Variants in TINAG observed in about 807,000 individuals in gnomAD.
TINAG encodes tubulointerstitial nephritis antigen.
In TINAG, 83 loss-of-function variants were observed where a neutral mutation model predicts 72.7. That is an observed-to-expected ratio of 1.14 (90% CI 0.96 to 1.37). The LOEUF is 1.37. Ranked by LOEUF, TINAG falls within the 40% of genes most tolerant of loss-of-function variation. The pLI, the probability that TINAG is intolerant of heterozygous loss-of-function variation, is 0.00. For synonymous variants in TINAG, 234 were observed against 189.9 expected (o/e 1.23, Z -1.91); for missense variants, 685 against 576.6 (o/e 1.19, Z -1.93).
At chr6:54,331,206 C>T (rs765124353) in intron 4 of TINAG, among the ~76,000 whole-genome samples, 8 of 152,248 alleles carry the variant, frequency 5.3e-5, no homozygotes, top group East Asian at 1.9e-4. Flanking sequence ...TGAAAATTCT[C>T]AATAAAATAC....
chr6:54,316,733 T>A lies in TINAG; in HGVS notation c.356-3846T>A, dbSNP rs191065546. Among the ~76,000 whole-genome samples, 15 of 152,294 alleles carry A rather than the reference T, an allele frequency of 9.8e-5. No individual in the cohort carries two copies. The South Asian group carries it at 1.7e-3, about 17-fold the overall frequency. On this transcript the variant is annotated intron_variant, in intron 1 of 10. Transcript: ENST00000259782. ...TATAATACACTGTGATGAACTATTTTAAAATAAATTATAGACAACATATCA... is the reference window on the plus strand; with the variant it reads ...TATAATACACTGTGATGAACTATTTAAAAATAAATTATAGACAACATATCA...
chr6:54,309,687 A>C (rs188972592), intron 1 of TINAG, among the ~76,000 whole-genome samples: 15 of 152,262 alleles, frequency 9.9e-5, no homozygotes, highest in South Asian at 4.1e-4. Flanking sequence ...TCTCCTCAAC[A>C]GAACTTCAGG....
chr6:54,380,930 CAT>C (rs1348031433), intron 10 of TINAG, among the ~76,000 whole-genome samples: 1 of 147,158 alleles, frequency 6.8e-6, no homozygotes, highest in Non-Finnish European at 1.5e-5. Context: ...ATGTTAGTAT[CAT>C]ATATATACAT....
At chr6:54,376,506 G>A (rs1763786555) in intron 9 of TINAG, among the ~76,000 whole-genome samples, 1 of 151,686 alleles carries the variant, frequency 6.6e-6, no homozygotes, top group Non-Finnish European at 1.5e-5. Flanking sequence ...TGGGTGTATG[G>A]GCCTCATTGA....
At chr6:54,320,512 C>G in intron 1 of TINAG, 67 bp from the exon 2 acceptor site, 1 of 1,275,484 alleles carries the variant, frequency 7.8e-7, no homozygotes, top group Middle Eastern at 2.0e-4. Flanking sequence ...TTTTTGATTA[C>G]ATTTTATGTT....
intron 10 of TINAG, among the ~76,000 whole-genome samples, chr6:54,385,119 A>G (rs1426161683): frequency 6.6e-6 from 1 of 152,142 alleles, no homozygotes; most frequent in Non-Finnish European, 1.5e-5. Flanking sequence ...AATAAGCTGA[A>G]AAATTTAAAC....
At chr6:54,388,004 C>G (rs1211592195) in intron 10 of TINAG, among the ~76,000 whole-genome samples, 1 of 152,062 alleles carries the variant, frequency 6.6e-6, no homozygotes. Flanking sequence ...TGCACATTTG[C>G]TTATACAATC....
At position 54,380,667 on chromosome 6, in the gene TINAG, C is replaced by T. The variant is rs527874308; in HGVS notation, c.1296+96C>T. On this transcript the variant is annotated intron_variant, in intron 10 of 10. Transcript: ENST00000259782. ...CTGCTTTGTATTATTTAGTCACATC[C>T]TCAGCTGTGTAATATTGTTGATAAC... 1.8e-4 allele frequency: 174 copies of T among 944,272 alleles called. No individual in the cohort carries two copies. The East Asian group carries it at 4.6e-3, about 25-fold the overall frequency. 58.5% of individuals were successfully genotyped at this position (944,272 alleles called of 1,614,324 possible). A position where few individuals can be genotyped will look rare whatever the true frequency, so the allele number is the denominator to read the frequency against.
intron 1 of TINAG, among the ~76,000 whole-genome samples, chr6:54,319,110 C>T (rs1784434918): frequency 6.6e-6 from 1 of 151,940 alleles, no homozygotes; most frequent in African/African-American, 2.4e-5. Context: ...ATGTCTGTTC[C>T]ATTTATCCAT....
At chr6:54,337,388 G>A (rs750282995) in intron 4 of TINAG, among the ~76,000 whole-genome samples, 5 of 151,718 alleles carry the variant, frequency 3.3e-5, no homozygotes, top group Non-Finnish European at 5.9e-5. Context: ...TGAGTAGCTG[G>A]GATTACAGGC....
chr6:54,350,936 C>T (rs988198811), intron 7 of TINAG, among the ~76,000 whole-genome samples: 1 of 151,556 alleles, frequency 6.6e-6, no homozygotes, highest in African/African-American at 2.4e-5. Flanking sequence ...TGAATGAGTG[C>T]CCTGCCTCCC....
At chr6:54,315,142 C>T (rs1232996320) in intron 1 of TINAG, among the ~76,000 whole-genome samples, 1 of 152,100 alleles carries the variant, frequency 6.6e-6, no homozygotes, top group African/African-American at 2.4e-5. Flanking sequence ...TGATCACTCA[C>T]TGATCTATTA....
At chr6:54,336,068 C>T (rs1784858771) in intron 4 of TINAG, among the ~76,000 whole-genome samples, 1 of 152,100 alleles carries the variant, frequency 6.6e-6, no homozygotes, top group South Asian at 2.1e-4. Flanking sequence ...GGCTTCATTC[C>T]TTTAGCTTAA....
At chr6:54,317,505 T>C (rs6909083) in intron 1 of TINAG, among the ~76,000 whole-genome samples, 92,321 of 151,962 alleles carry the variant, frequency 0.61, 28,992 homozygotes, top group East Asian at 0.75. Flanking sequence ...TGCCACCATA[T>C]AAAATGTCTC....
At chr6:54,360,303 A>G (rs1417603450) in intron 9 of TINAG, among the ~76,000 whole-genome samples, 1 of 151,702 alleles carries the variant, frequency 6.6e-6, no homozygotes, top group Non-Finnish European at 1.5e-5. Flanking sequence ...AGATGCATTT[A>G]ATTGAATAAA....
intron 4 of TINAG, among the ~76,000 whole-genome samples, chr6:54,330,370 AAATT>A (rs774339578): frequency 2.0e-5 from 3 of 152,214 alleles, no homozygotes; most frequent in Non-Finnish European, 2.9e-5. Flanking sequence ...GTAAATAACA[AAATT>A]AAGTCAGAAA....
chr6:54,327,209 A>G lies in TINAG; in HGVS notation c.624+293A>G, dbSNP rs976264258. On this transcript the variant is annotated intron_variant, in intron 4 of 10. Transcript: ENST00000259782. Reference sequence around the variant, plus strand: ...CTGGTTGGCAGCTCCCAGCGAGACCAACGTAGAAGGTGGATGATTTCTGCA... The same window carrying G: ...CTGGTTGGCAGCTCCCAGCGAGACCGACGTAGAAGGTGGATGATTTCTGCA... 8 of 1,524,474 alleles carry G rather than the reference A, an allele frequency of 5.2e-6. No homozygotes were observed. In the African/African-American group the frequency reaches 9.7e-5, roughly 19 times the overall value. 94.4% of individuals were successfully genotyped at this position (1,524,474 alleles called of 1,614,324 possible).
chr6:54,382,627 C>T (rs1763985215), intron 10 of TINAG, among the ~76,000 whole-genome samples: 1 of 152,028 alleles, frequency 6.6e-6, no homozygotes, highest in Non-Finnish European at 1.5e-5. Flanking sequence ...AGAGATACAA[C>T]ACCTGGGTCA....
At chr6:54,348,378 C>T (rs1273667029) in intron 6 of TINAG, among the ~76,000 whole-genome samples, 1 of 152,074 alleles carries the variant, frequency 6.6e-6, no homozygotes, top group Non-Finnish European at 1.5e-5. Flanking sequence ...AATAACAGCC[C>T]TTTAAGAACT....
Sources: allele counts gnomAD v4.1 joint callset (sites outside exome capture counted in the v4.1 genomes callset), GRCh38; gene constraint gnomAD v4.1.1; transcripts MANE v1.5; gene names NCBI Gene and HGNC (gene_info 2026-07-23, HGNC 2026-07-21).